Variants in NTRK3 observed in about 807,000 individuals in gnomAD.
The protein encoded by NTRK3 is NT-3 growth factor receptor.
A neutral mutation model predicts 91.7 loss-of-function variants in NTRK3; 24 were observed. The ratio of observed to expected loss-of-function variants is 0.26; its 90% CI spans 0.19 to 0.37. NTRK3 has a LOEUF of 0.37. Among genes scored for constraint, NTRK3 ranks in the 10% least tolerant of loss-of-function variants. The probability of loss-of-function intolerance (pLI) is 1.00; values close to 1 mark genes in which losing one functional copy is unlikely to be tolerated. For missense variants in NTRK3, 880 were observed against 1,068.9 expected, an observed-to-expected ratio of 0.82 and a Z score of 2.46; for synonymous variants, 483 against 404.0, an observed-to-expected ratio of 1.20 and a Z score of -2.34.
Position 88,101,704 on chromosome 15 carries a change from C to T in NTRK3, c.1396+24567G>A, listed in dbSNP as rs1382128145. Among the ~76,000 whole-genome samples, 8 of 152,282 alleles carry T rather than the reference C, an allele frequency of 5.3e-5. No homozygotes were observed. The South Asian group carries it at 8.3e-4, about 16-fold the overall frequency. Reference sequence around the variant, plus strand: ...ATGCAGCCATAAAAAATGATGAGTTCGTGTCCTTTGTAGGAACATGGATGA... The same window carrying T: ...ATGCAGCCATAAAAAATGATGAGTTTGTGTCCTTTGTAGGAACATGGATGA... On this transcript the variant is annotated intron_variant, in intron 13 of 18. Coordinates refer to ENST00000394480, the Ensembl canonical transcript of NTRK3.
chr15:88,200,587 C>T (rs1485647838), intron 3 of NTRK3, among the ~76,000 whole-genome samples: 1 of 152,180 alleles, frequency 6.6e-6, no homozygotes, highest in Admixed American at 6.5e-5. Flanking sequence ...TTATAAGGGG[C>T]TCTTCCCTCT....
chr15:87,944,210 A>G (rs1337106648), intron 14 of NTRK3, among the ~76,000 whole-genome samples: 1 of 152,202 alleles, frequency 6.6e-6, no homozygotes, highest in Non-Finnish European at 1.5e-5. Context: ...AAGCTCCACA[A>G]GGTAACCAGG....
chr15:88,108,282 G>A (rs1425068762), intron 13 of NTRK3, among the ~76,000 whole-genome samples: 1 of 152,220 alleles, frequency 6.6e-6, no homozygotes, highest in Non-Finnish European at 1.5e-5. Flanking sequence ...AGCCAAGTAT[G>A]TGAGTCAGGA....
rs370648566 is a variant in NTRK3, at chr15:88,033,054, A to G, written c.1397-9T>C. 17 of 1,565,348 alleles carry G rather than the reference A, an allele frequency of 1.1e-5. No homozygotes were observed. Among genetic ancestry groups the G allele is most frequent in the Non-Finnish European group, 1.3e-5 (15 of 1,155,178 alleles). The stretch of plus-strand genomic sequence containing the variant: ...GATGACAGCCACGGGACCTGCACAC[A>G]CCAAGAGAGACGCAGGACCTGGTGA... On this transcript the variant is annotated splice_polypyrimidine_tract_variant and intron_variant, in intron 13 of 18. Coordinates refer to ENST00000394480, the Ensembl canonical transcript of NTRK3.
intron 13 of NTRK3, among the ~76,000 whole-genome samples, chr15:88,103,299 C>A (rs1423837905): frequency 6.6e-6 from 1 of 152,116 alleles, no homozygotes; most frequent in Non-Finnish European, 1.5e-5. Flanking sequence ...AAAACTGAGG[C>A]ATCCCAGAGA....
intron 13 of NTRK3, among the ~76,000 whole-genome samples, chr15:88,089,141 C>T (rs1488348194): frequency 3.1e-5 from 3 of 95,896 alleles, no homozygotes; most frequent in Non-Finnish European, 6.0e-5. Context: ...TGTGGTATGA[C>T]GGGGGCGGTG....
intron 5 of NTRK3, among the ~76,000 whole-genome samples, chr15:88,174,293 C>T (rs770597260): frequency 1.8e-4 from 27 of 152,130 alleles, no homozygotes; most frequent in Non-Finnish European, 2.8e-4. Flanking sequence ...GCTTATCCAA[C>T]GTCACAGCAT....
chr15:88,244,362 G>A (rs2052636842), intron 3 of NTRK3, among the ~76,000 whole-genome samples: 2 of 152,212 alleles, frequency 1.3e-5, no homozygotes, highest in Admixed American at 1.3e-4. Context: ...GGAAGAAAAT[G>A]AGGCAGAGAA....
At chr15:88,075,734 A>G (rs2047485633) in intron 13 of NTRK3, among the ~76,000 whole-genome samples, 1 of 152,214 alleles carries the variant, frequency 6.6e-6, no homozygotes, top group African/African-American at 2.4e-5. Context: ...TTGCAACAAC[A>G]GTAGATACTG....
intron 5 of NTRK3, among the ~76,000 whole-genome samples, chr15:88,151,564 C>T (rs1230060393): frequency 6.6e-6 from 1 of 152,220 alleles, no homozygotes; most frequent in African/African-American, 2.4e-5. Flanking sequence ...AGGATTTCAT[C>T]TTCTACCCTG....
chr15:88,134,666 C>G (rs2041701934), intron 10 of NTRK3, among the ~76,000 whole-genome samples: 1 of 152,232 alleles, frequency 6.6e-6, no homozygotes, highest in South Asian at 2.1e-4. Flanking sequence ...GTGTCAAACC[C>G]TGTGACGTGC....
At chr15:88,011,016 C>G (rs1053952364) in intron 14 of NTRK3, among the ~76,000 whole-genome samples, 11 of 152,168 alleles carry the variant, frequency 7.2e-5, no homozygotes, top group Non-Finnish European at 7.4e-5. Context: ...AAAATCCATC[C>G]TTTTGGACAT....
chr15:88,129,530 C>A (rs2053606931), intron 10 of NTRK3, among the ~76,000 whole-genome samples: 1 of 152,184 alleles, frequency 6.6e-6, no homozygotes, highest in Non-Finnish European at 1.5e-5. Flanking sequence ...AATGCTCAAA[C>A]TTTAGCACAC....
chr15:88,089,696 G>C (rs8035178), intron 13 of NTRK3, among the ~76,000 whole-genome samples: 68,429 of 152,010 alleles, frequency 0.45, 15,650 homozygotes, highest in African/African-American at 0.5. Flanking sequence ...CCTTGACTCT[G>C]TACTCTTGAG....
At chr15:87,948,177 A>C (rs1384924828) in intron 14 of NTRK3, among the ~76,000 whole-genome samples, 1 of 152,194 alleles carries the variant, frequency 6.6e-6, no homozygotes, top group Non-Finnish European at 1.5e-5. Flanking sequence ...TCTCCAGCCA[A>C]CCCAGTCAGT....
chr15:87,904,016 A>G (rs192238525), intron 17 of NTRK3, among the ~76,000 whole-genome samples: 12 of 152,302 alleles, frequency 7.9e-5, no homozygotes, highest in African/African-American at 2.6e-4. Flanking sequence ...TACCCTGGAC[A>G]TGGAAATAAA....
chr15:88,086,408 T>C (rs1358988932), intron 13 of NTRK3, among the ~76,000 whole-genome samples: 1 of 152,152 alleles, frequency 6.6e-6, no homozygotes, highest in Non-Finnish European at 1.5e-5. Flanking sequence ...AAAAAAAAGA[T>C]TTAAAACATC....
intron 5 of NTRK3, among the ~76,000 whole-genome samples, chr15:88,159,581 T>C (rs896233845): frequency 6.6e-6 from 1 of 152,326 alleles, no homozygotes. Context: ...AAGTTGACTT[T>C]GGCTCCAATC....
At chr15:87,935,680 C>T (rs866015818) in intron 15 of NTRK3, among the ~76,000 whole-genome samples, 4 of 152,094 alleles carry the variant, frequency 2.6e-5, no homozygotes, top group Admixed American at 6.5e-5. Context: ...AAATTTGGGG[C>T]CAGCCAAATG....
Sources: gnomAD v4.1 joint callset for allele counts (sites outside exome capture counted in the v4.1 genomes callset) on GRCh38, gnomAD v4.1.1 for gene constraint, MANE v1.5 for transcripts, NCBI Gene and HGNC (gene_info 2026-07-23, HGNC 2026-07-21) for gene names.